Variants in FBXO38 observed in about 807,000 individuals in gnomAD.
The protein encoded by FBXO38 is F-box protein 38.
FBXO38 carries 53 observed loss-of-function variants against 131.9 expected under a neutral mutation model. That is an observed-to-expected ratio of 0.40 (90% CI 0.32 to 0.51). FBXO38 has a LOEUF of 0.51. FBXO38 is among the 20% of genes least tolerant of loss of function. FBXO38 has a pLI of 0.53. For synonymous variants in FBXO38, 452 were observed against 505.6 expected, an observed-to-expected ratio of 0.89 and a Z score of 1.42; for missense variants, 1,076 against 1,475.6, an observed-to-expected ratio of 0.73 and a Z score of 4.44.
At chr5:148,425,376 G>A in intron 13 of FBXO38, 146 bp from the exon 14 acceptor site, 1 of 574,684 alleles carries the variant, frequency 1.7e-6, no homozygotes, top group Non-Finnish European at 3.1e-6. Context: ...TCTTATCCAA[G>A]TGCATTATCA....
At chr5:148,441,369 C>G (rs1449264696) in intron 21 of FBXO38, 132 bp downstream of exon 21, 5 of 682,506 alleles carry the variant, frequency 7.3e-6, no homozygotes, top group Non-Finnish European at 1.2e-5. Flanking sequence ...TTTGTATTTA[C>G]TCACTTCAAA....
intron 12 of FBXO38, among the ~76,000 whole-genome samples, chr5:148,422,273 G>T (rs969408068): frequency 1.3e-5 from 2 of 152,100 alleles, no homozygotes; most frequent in Non-Finnish European, 2.9e-5. Flanking sequence ...CCCTCATCTT[G>T]TACTACTTCC....
At chr5:148,389,098 C>G (rs1758062596) in intron 1 of FBXO38, among the ~76,000 whole-genome samples, 1 of 152,154 alleles carries the variant, frequency 6.6e-6, no homozygotes, top group Admixed American at 6.5e-5. Context: ...GGAAGAACAG[C>G]TAGCCAGTGG....
chr5:148,405,417 G>A (rs929192418), intron 6 of FBXO38, among the ~76,000 whole-genome samples: 4 of 151,910 alleles, frequency 2.6e-5, no homozygotes, highest in Non-Finnish European at 5.9e-5. Flanking sequence ...GTGGCCCAAG[G>A]CAATTTTTCC....
At chr5:148,397,455 G>A (rs1330107395) in intron 2 of FBXO38, among the ~76,000 whole-genome samples, 2 of 152,022 alleles carry the variant, frequency 1.3e-5, no homozygotes, top group African/African-American at 4.8e-5. Flanking sequence ...TATTACAGTG[G>A]CAAAATTTAT....
intron 1 of FBXO38, among the ~76,000 whole-genome samples, chr5:148,387,762 G>C (rs1186271879): frequency 6.7e-6 from 1 of 149,468 alleles, no homozygotes; most frequent in Non-Finnish European, 1.5e-5. Context: ...TACGATCTTG[G>C]CTCACTGCAA....
intron 9 of FBXO38, 184 bp from the exon 10 acceptor site, chr5:148,413,952 A>G (rs1752911455): frequency 6.7e-6 from 3 of 447,438 alleles, no homozygotes; most frequent in South Asian, 5.7e-5. Context: ...ATTATTTTGT[A>G]CAAGAAGTGC....
Position 148,441,802 on chromosome 5 carries a change from G to A in FBXO38, c.3389-167G>A, listed in dbSNP as rs543003403. 9.9e-5 allele frequency among the ~76,000 whole-genome samples: 15 copies of A among 152,242 alleles called. No homozygotes were observed. The South Asian group carries it at 2.5e-3, about 25-fold the overall frequency. On this transcript the variant is annotated intron_variant, in intron 21 of 21. Coordinates refer to ENST00000340253, the MANE Select transcript of FBXO38 (RefSeq NM_205836.3). ...ACTTTAAGCATGTATTCTGTCTTAG[G>A]CATCAAACATAAGAACAAACTGGTG...
intron 15 of FBXO38, among the ~76,000 whole-genome samples, chr5:148,432,423 T>C (rs965433888): frequency 3.9e-5 from 6 of 152,240 alleles, no homozygotes; most frequent in African/African-American, 1.4e-4. Context: ...GCAGGTTTTC[T>C]AGCTTAGTGA....
At chr5:148,414,343 A>T in intron 10 of FBXO38, 37 bp downstream of exon 10, 1 of 1,450,882 alleles carries the variant, frequency 6.9e-7, no homozygotes, top group Non-Finnish European at 9.3e-7. Context: ...TGTTTTATTG[A>T]TACTGAAATA....
intron 5 of FBXO38, among the ~76,000 whole-genome samples, chr5:148,403,832 C>G (rs1752295675): frequency 1.3e-5 from 2 of 152,178 alleles, no homozygotes; most frequent in Admixed American, 6.6e-5. Flanking sequence ...TTAAAAATTG[C>G]ATTAAACAGT....
intron 15 of FBXO38, among the ~76,000 whole-genome samples, chr5:148,432,990 G>C (rs940319347): frequency 6.6e-6 from 1 of 152,228 alleles, no homozygotes; most frequent in African/African-American, 2.4e-5. Context: ...TTGGCAGTGG[G>C]AGATGACTAG....
At chr5:148,414,361 T>G in intron 10 of FBXO38, 55 bp downstream of exon 10, 1 of 1,347,188 alleles carries the variant, frequency 7.4e-7, no homozygotes, top group Non-Finnish European at 1.0e-6. Context: ...ATAATACAAC[T>G]TTCCATGTTT....
chr5:148,413,917 T>C (rs1239815402), intron 9 of FBXO38: 1 of 391,090 alleles, frequency 2.6e-6, no homozygotes, highest in East Asian at 3.9e-5. Flanking sequence ...TCCTACTAGC[T>C]GTCCCTTGAC....
intron 12 of FBXO38, among the ~76,000 whole-genome samples, chr5:148,420,511 A>G (rs1001057721): frequency 2.6e-5 from 4 of 152,146 alleles, no homozygotes; most frequent in Non-Finnish European, 5.9e-5. Flanking sequence ...CATAGTGTCT[A>G]TTTTTATGTA....
At chr5:148,421,634 C>T (rs1475454117) in intron 12 of FBXO38, among the ~76,000 whole-genome samples, 1 of 151,894 alleles carries the variant, frequency 6.6e-6, no homozygotes, top group Non-Finnish European at 1.5e-5. Flanking sequence ...TATATGTATA[C>T]ATATACATAT....
At chr5:148,423,837 T>C (rs1162518700) in intron 12 of FBXO38, 161 bp from the exon 13 acceptor site, 4 of 539,452 alleles carry the variant, frequency 7.4e-6, no homozygotes, top group Non-Finnish European at 1.3e-5. Context: ...CTTCTTAATA[T>C]CTGCAGTAAC....
intron 18 of FBXO38, among the ~76,000 whole-genome samples, chr5:148,439,346 A>G (rs529792954): frequency 2.9e-4 from 44 of 152,352 alleles, no homozygotes; most frequent in Admixed American, 1.7e-3. Context: ...TTAATAAAGG[A>G]CATACACAGA....
chr5:148,409,173 T>C lies in FBXO38; in HGVS notation c.918T>C (p.Ala306=), dbSNP rs1489408475. ...HTIVLGACKN[A]LEVDLGYLII... ...TTGTTCTGGGAGCTTGCAAAAATGCTCTTGAAGTAGATCTTGGTTACCTCA... is the reference window on the plus strand; with the variant it reads ...TTGTTCTGGGAGCTTGCAAAAATGCCCTTGAAGTAGATCTTGGTTACCTCA... The change falls in exon 8 of 22, where the codon GCT becomes GCC. Residue 306 remains alanine (A), a synonymous_variant. Coordinates refer to ENST00000340253, the MANE Select transcript of FBXO38 (RefSeq NM_205836.3). 1 of 1,613,454 alleles carries C rather than the reference T, an allele frequency of 6.2e-7. No individual in the cohort carries two copies. Among genetic ancestry groups the C allele is most frequent in the Admixed American group, 1.7e-5 (1 of 60,022 alleles).
Sources: allele counts gnomAD v4.1 joint callset (sites outside exome capture counted in the v4.1 genomes callset), GRCh38; gene constraint gnomAD v4.1.1; transcripts MANE v1.5; gene names NCBI Gene and HGNC (gene_info 2026-07-23, HGNC 2026-07-21).